The following DCDC2 variants were observed in gnomAD, a reference collection of about 807,000 sequenced individuals.
DCDC2 encodes doublecortin domain-containing protein 2.
In DCDC2, 40 loss-of-function variants were observed where a neutral mutation model predicts 50.2. The observed-to-expected ratio is 0.80, with a 90% CI of 0.62 to 1.04. The LOEUF (loss-of-function observed/expected upper bound fraction) is 1.04. Ranked by LOEUF, DCDC2 falls within the 50% of genes least tolerant of loss-of-function variation. The pLI, the probability that DCDC2 is intolerant of heterozygous loss-of-function variation, is 0.00. For synonymous variants in DCDC2, 234 were observed against 210.6 expected, an observed-to-expected ratio of 1.11 and a Z score of -0.96; for missense variants, 570 against 581.9, an observed-to-expected ratio of 0.98 and a Z score of 0.21.
At chr6:24,184,583 T>TG (rs1561881528) in intron 8 of DCDC2, among the ~76,000 whole-genome samples, 1 of 148,586 alleles carries the variant, frequency 6.7e-6, no homozygotes, top group African/African-American at 2.5e-5. Context: ...AAAATAAAAA[T>TG]AAAAAAAAAA....
chr6:24,352,635 C>A (rs58938839), intron 2 of DCDC2, among the ~76,000 whole-genome samples: 1 of 152,114 alleles, frequency 6.6e-6, no homozygotes, highest in South Asian at 2.1e-4. Context: ...TTTTTTCTTA[C>A]GCAATATTTT....
chr6:24,192,997 C>T (rs1761345911), intron 8 of DCDC2, among the ~76,000 whole-genome samples: 1 of 151,778 alleles, frequency 6.6e-6, no homozygotes, highest in Admixed American at 6.6e-5. Flanking sequence ...GTCTAAAAGC[C>T]TTCAGAGAAA....
chr6:24,257,112 C>A (rs1444096672), intron 7 of DCDC2, among the ~76,000 whole-genome samples: 1 of 152,162 alleles, frequency 6.6e-6, no homozygotes, highest in African/African-American at 2.4e-5. Flanking sequence ...AGATATATAT[C>A]TACTTTGCCT....
Position 24,173,126 on chromosome 6 carries a change from T to A in DCDC2, c.*1604A>T, listed in dbSNP as rs953526164. The stretch of plus-strand genomic sequence containing the variant: ...AGTAACGCTAGTAGAAAGCACAATT[T>A]AGATTTTACACCAGAAACATAGTAC... On this transcript the variant is annotated 3_prime_UTR_variant, in exon 10 of 10. Coordinates refer to ENST00000378454, the MANE Select transcript of DCDC2 (RefSeq NM_016356.5). 4 of 152,032 alleles carry A rather than the reference T, an allele frequency of 2.6e-5. No individual in the cohort carries two copies. The highest frequency in any genetic ancestry group is 4.4e-5 in the Non-Finnish European group (3 of 67,988). The allele number at this position is 152,032 out of a possible 1,614,324, so 9.4% of individuals were successfully genotyped here.
intron 8 of DCDC2, among the ~76,000 whole-genome samples, chr6:24,200,824 GA>G: frequency 7.4e-6 from 1 of 134,990 alleles, no homozygotes. Flanking sequence ...CAAATGGAAA[GA>G]AAAAAAGAAA....
At chr6:24,181,607 A>C (rs1306702089) in intron 8 of DCDC2, among the ~76,000 whole-genome samples, 4 of 152,238 alleles carry the variant, frequency 2.6e-5, no homozygotes. Flanking sequence ...GGAATAAAAC[A>C]CTTAGGAGTT....
chr6:24,321,178 A>G (rs1759768356), intron 2 of DCDC2, among the ~76,000 whole-genome samples: 2 of 152,180 alleles, frequency 1.3e-5, no homozygotes, highest in Admixed American at 1.3e-4. Context: ...ACATAGAAGA[A>G]TTCCAATTAA....
At chr6:24,290,087 G>A (rs1005495311) in intron 5 of DCDC2, among the ~76,000 whole-genome samples, 4 of 141,808 alleles carry the variant, frequency 2.8e-5, no homozygotes, top group Non-Finnish European at 6.0e-5. Flanking sequence ...TCCGCCTCCC[G>A]GGTTCACGCC....
the DCDC2 span, among the ~76,000 whole-genome samples, chr6:24,371,191 C>A: frequency 4.2e-4 from 61 of 144,726 alleles, no homozygotes; most frequent in African/African-American, 1.5e-3. Context: ...GCGGGAGAAT[C>A]GTGTGAACCC....
chr6:24,237,403 A>T (rs1762468510), intron 7 of DCDC2, among the ~76,000 whole-genome samples: 2 of 152,222 alleles, frequency 1.3e-5, no homozygotes, highest in South Asian at 4.1e-4. Context: ...AATTGCAAAA[A>T]CAAAAGTCAA....
At chr6:24,250,659 TAGA>T (rs1362864502) in intron 7 of DCDC2, among the ~76,000 whole-genome samples, 1 of 152,134 alleles carries the variant, frequency 6.6e-6, no homozygotes, top group Admixed American at 6.6e-5. Flanking sequence ...CAGACTGCTT[TAGA>T]AGAACAGAAA....
intron 8 of DCDC2, among the ~76,000 whole-genome samples, chr6:24,179,160 A>G (rs1429812047): frequency 6.6e-6 from 1 of 152,192 alleles, no homozygotes; most frequent in African/African-American, 2.4e-5. Context: ...TTTCCCCACA[A>G]TGCCTAAGGA....
chr6:24,210,614 A>T (rs929322223), intron 7 of DCDC2, among the ~76,000 whole-genome samples: 1 of 152,230 alleles, frequency 6.6e-6, no homozygotes, highest in African/African-American at 2.4e-5. Context: ...TCTCATCACC[A>T]TTATCTGTTG....
intron 7 of DCDC2, among the ~76,000 whole-genome samples, chr6:24,226,293 G>A (rs1762232473): frequency 6.6e-6 from 1 of 152,178 alleles, no homozygotes; most frequent in Non-Finnish European, 1.5e-5. Flanking sequence ...CATAATAGAT[G>A]CCACAATAAA....
At chr6:24,300,081 AT>A (rs1038208462) in intron 4 of DCDC2, among the ~76,000 whole-genome samples, 5 of 151,534 alleles carry the variant, frequency 3.3e-5, no homozygotes, top group African/African-American at 1.2e-4. Context: ...ATATGTATGC[AT>A]TTCCATTTAA....
intron 4 of DCDC2, among the ~76,000 whole-genome samples, chr6:24,298,155 T>G (rs1215213375): frequency 1.3e-5 from 2 of 152,208 alleles, no homozygotes; most frequent in African/African-American, 4.8e-5. Context: ...ACAACCTAGA[T>G]ACCTCGCATG....
chr6:24,329,775 C>G (rs1759935156), intron 2 of DCDC2, among the ~76,000 whole-genome samples: 1 of 152,180 alleles, frequency 6.6e-6, no homozygotes, highest in Non-Finnish European at 1.5e-5. Context: ...TATCTTCTAT[C>G]AGCATTTATT....
intron 9 of DCDC2, among the ~76,000 whole-genome samples, chr6:24,176,218 C>T (rs1407360617): frequency 6.6e-6 from 1 of 152,046 alleles, no homozygotes; most frequent in Non-Finnish European, 1.5e-5. Context: ...ATCACTTGAG[C>T]CCGGGAGGTC....
Position 24,174,708 on chromosome 6 carries a change from A to G in DCDC2, c.*22T>C. On this transcript the variant is annotated 3_prime_UTR_variant, in exon 10 of 10. Coordinates refer to ENST00000378454, the MANE Select transcript of DCDC2 (RefSeq NM_016356.5). Reference sequence around the variant, plus strand: ...ACCCTTCATTTTTCTTGCGATCCATATACTCTCTTTTTAAAAATGTTCTAA... The same window carrying G: ...ACCCTTCATTTTTCTTGCGATCCATGTACTCTCTTTTTAAAAATGTTCTAA... The G allele has an allele frequency of 9.1e-6, 14 of 1,533,686 alleles. No individual in the cohort carries two copies. The highest frequency in any genetic ancestry group is 1.3e-5 in the Non-Finnish European group (14 of 1,108,112).
Sources: gnomAD v4.1 joint callset for allele counts (sites outside exome capture counted in the v4.1 genomes callset) on GRCh38, gnomAD v4.1.1 for gene constraint, MANE v1.5 for transcripts, NCBI Gene and HGNC (gene_info 2026-07-23, HGNC 2026-07-21) for gene names.